The following PTBP2 variants were observed in gnomAD, a reference collection of about 807,000 sequenced individuals.
PTBP2 encodes the protein polypyrimidine tract binding protein 2, also known as polypyrimidine tract-binding protein 2.
PTBP2 carries 13 observed loss-of-function variants against 61.4 expected under a neutral mutation model. The ratio of observed to expected loss-of-function variants is 0.21; its 90% CI spans 0.14 to 0.34. PTBP2 has a LOEUF of 0.34. PTBP2 is among the 10% of genes least tolerant of loss of function. PTBP2 has a pLI of 1.00. For missense variants in PTBP2, 405 were observed against 642.6 expected, an observed-to-expected ratio of 0.63 and a Z score of 4.00; for synonymous variants, 215 against 218.5, an observed-to-expected ratio of 0.98 and a Z score of 0.14.
At chr1:96,740,886 T>G (rs1652919482) in intron 2 of PTBP2, among the ~76,000 whole-genome samples, 1 of 152,016 alleles carries the variant, frequency 6.6e-6, no homozygotes, top group South Asian at 2.1e-4. Context: ...GTCAAATATT[T>G]TAAATTTTTT....
chr1:96,737,588 A>G (rs960615832), intron 2 of PTBP2, among the ~76,000 whole-genome samples: 2 of 152,214 alleles, frequency 1.3e-5, no homozygotes, highest in Non-Finnish European at 2.9e-5. Flanking sequence ...TGCAGGAAAG[A>G]GTGGCATTGT....
intron 2 of PTBP2, among the ~76,000 whole-genome samples, chr1:96,730,591 G>C (rs1313804432): frequency 2.6e-5 from 4 of 152,152 alleles, no homozygotes; most frequent in Admixed American, 2.0e-4. Flanking sequence ...TAAACATGGA[G>C]ACTTGTTTTG....
At chr1:96,801,157 T>C (rs1409144838) in intron 8 of PTBP2, among the ~76,000 whole-genome samples, 1 of 152,126 alleles carries the variant, frequency 6.6e-6, no homozygotes, top group African/African-American at 2.4e-5. Context: ...TTTTATATAT[T>C]TTATGAATTT....
intron 3 of PTBP2, among the ~76,000 whole-genome samples, chr1:96,755,710 G>A (rs1433427449): frequency 6.6e-6 from 1 of 152,076 alleles, no homozygotes. Context: ...AAACAATTAT[G>A]TTATGTAAAA....
Position 96,744,322 on chromosome 1 carries a change from A to AT in PTBP2, c.40-7102dup, listed in dbSNP as rs1262445873. On this transcript the variant is annotated intron_variant, in intron 2 of 13. Transcript: ENST00000674951. ...AACGAGAACTTCTTTACATATATAT[A>AT]TATTTTTTAATTTTCTCAGTTAATG... is the stretch of plus-strand genomic sequence containing the variant. 6.6e-5 allele frequency among the ~76,000 whole-genome samples: 10 copies of AT among 152,286 alleles called. No homozygotes were observed. In the East Asian group the frequency reaches 1.5e-3, roughly 23 times the overall value.
At chr1:96,736,636 G>T (rs993987983) in intron 2 of PTBP2, among the ~76,000 whole-genome samples, 6 of 152,092 alleles carry the variant, frequency 3.9e-5, no homozygotes, top group Non-Finnish European at 8.8e-5. Context: ...TAATATTTTG[G>T]TATTTTGGGT....
intron 8 of PTBP2, among the ~76,000 whole-genome samples, chr1:96,803,123 G>A (rs1661188496): frequency 6.6e-6 from 1 of 152,132 alleles, no homozygotes; most frequent in Non-Finnish European, 1.5e-5. Context: ...TAGTAATATA[G>A]TAGAATATTT....
rs1332961710 is a variant in PTBP2 at position 96,814,160 on chromosome 1, CAT to C, written c.*759_*760del. Reference sequence around the variant, plus strand: ...TCGTACACACTCTTGTGGGACGTATCATATAAATGTCAGCACTAAGTAATGTC... The same window carrying C: ...TCGTACACACTCTTGTGGGACGTATCATAAATGTCAGCACTAAGTAATGTC... On this transcript the variant is annotated 3_prime_UTR_variant, in exon 14 of 14. Transcript: ENST00000674951. The C allele has an allele frequency of 2.0e-5, 3 of 152,494 alleles. No homozygotes were observed. Among genetic ancestry groups the C allele is most frequent in the Non-Finnish European group, 2.9e-5 (2 of 67,946 alleles). The allele number at this position is 152,494 out of a possible 1,614,324, so 9.4% of individuals were successfully genotyped here.
chr1:96,799,779 G>C (rs1449772030), intron 8 of PTBP2, among the ~76,000 whole-genome samples: 2 of 152,130 alleles, frequency 1.3e-5, no homozygotes, highest in African/African-American at 2.4e-5. Flanking sequence ...CTATTTTCTA[G>C]AATGTATTAA....
rs550086320 is a variant in PTBP2, at chr1:96,779,995, C to G, written c.708+2049C>G. 1.6e-4 allele frequency among the ~76,000 whole-genome samples: 25 copies of G among 152,094 alleles called. No individual in the cohort carries two copies. In the South Asian group the frequency reaches 1.7e-3, roughly 10 times the overall value. ...ACAGTTTTTCTGTTTTTCACAATGC[C>G]TATGTCAGATAGAAATTTTCCCTTC... On this transcript the variant is annotated intron_variant, in intron 7 of 13. Transcript: ENST00000674951.
chr1:96,791,839 T>TTTTTTGTTTTTTTTTTTTG (rs1557759315), intron 8 of PTBP2, among the ~76,000 whole-genome samples: 6 of 138,184 alleles, frequency 4.3e-5, no homozygotes, highest in Middle Eastern at 3.3e-3. Flanking sequence ...TTTTTTTTTT[T>TTTTTTGTTTTTTTTTTTTG]TTTTTTTTTT....
intron 2 of PTBP2, among the ~76,000 whole-genome samples, chr1:96,750,011 A>G (rs1438912354): frequency 1.3e-5 from 2 of 152,136 alleles, no homozygotes; most frequent in African/African-American, 4.8e-5. Flanking sequence ...TAATGAGCCA[A>G]TAATGTGTAT....
At chr1:96,764,447 T>C (rs1656419434) in intron 3 of PTBP2, among the ~76,000 whole-genome samples, 2 of 152,354 alleles carry the variant, frequency 1.3e-5, no homozygotes, top group Non-Finnish European at 2.9e-5. Flanking sequence ...GTGATTTCTT[T>C]GTAGCTACGG....
intron 2 of PTBP2, among the ~76,000 whole-genome samples, chr1:96,744,502 A>G (rs1653481736): frequency 6.6e-6 from 1 of 152,212 alleles, no homozygotes; most frequent in Non-Finnish European, 1.5e-5. Flanking sequence ...AGACCAGAAT[A>G]CTAGCTCTCC....
chr1:96,784,341 T>A (rs1040323796), intron 7 of PTBP2, among the ~76,000 whole-genome samples: 3 of 152,056 alleles, frequency 2.0e-5, no homozygotes, highest in Non-Finnish European at 4.4e-5. Flanking sequence ...CATTCCTGTT[T>A]TCCCGATTAA....
chr1:96,792,828 ATATTT>A (rs1252206775), intron 8 of PTBP2, among the ~76,000 whole-genome samples: 1 of 152,170 alleles, frequency 6.6e-6, no homozygotes, highest in African/African-American at 2.4e-5. Context: ...ATCCTTTTCT[ATATTT>A]TATTAAGACT....
At chr1:96,780,169 A>T (rs548566499) in intron 7 of PTBP2, among the ~76,000 whole-genome samples, 7 of 152,184 alleles carry the variant, frequency 4.6e-5, no homozygotes, top group Admixed American at 1.3e-4. Context: ...ACCAATAAAC[A>T]CCAAAGCCTA....
intron 5 of PTBP2, among the ~76,000 whole-genome samples, chr1:96,771,991 T>G (rs1557735722): frequency 6.6e-6 from 1 of 152,104 alleles, no homozygotes; most frequent in Non-Finnish European, 1.5e-5. Context: ...TGTGGGGGAA[T>G]TTTTTTCCAC....
At chr1:96,774,571 C>G (rs1056235271) in intron 5 of PTBP2, among the ~76,000 whole-genome samples, 2 of 152,198 alleles carry the variant, frequency 1.3e-5, no homozygotes, top group South Asian at 4.1e-4. Context: ...CATGAAATCA[C>G]CAGGTCCTAT....
Sources: allele counts gnomAD v4.1 joint callset (sites outside exome capture counted in the v4.1 genomes callset), GRCh38; gene constraint gnomAD v4.1.1; transcripts MANE v1.5; gene names NCBI Gene and HGNC (gene_info 2026-07-23, HGNC 2026-07-21).